Variants in ZNF432 observed in about 807,000 individuals in gnomAD.
ZNF432 encodes zinc finger protein 432.
Under a neutral mutation model 13.9 loss-of-function variants are expected in ZNF432, and 10 were observed. The ratio of observed to expected loss-of-function variants is 0.72; its 90% CI spans 0.44 to 1.22. The LOEUF (loss-of-function observed/expected upper bound fraction) is 1.22. Ranked by LOEUF, ZNF432 falls within the 50% of genes most tolerant of loss-of-function variation. ZNF432 has a pLI of 0.00. For missense variants in ZNF432, 793 were observed against 796.2 expected, an observed-to-expected ratio of 1.00 and a Z score of 0.05; for synonymous variants, 247 against 256.2, an observed-to-expected ratio of 0.96 and a Z score of 0.34.
At chr19:52,048,182 C>CACACACACACAAAAAA (rs1482172095) in intron 1 of ZNF432, among the ~76,000 whole-genome samples, 1 of 146,214 alleles carries the variant, frequency 6.8e-6, no homozygotes, top group African/African-American at 2.6e-5. Flanking sequence ...CACACACACA[C>CACACACACACAAAAAA]AAAACCAGCC....
intron 2 of ZNF432, among the ~76,000 whole-genome samples, chr19:52,041,972 A>T (rs2087140842): frequency 6.6e-6 from 1 of 152,190 alleles, no homozygotes; most frequent in African/African-American, 2.4e-5. Flanking sequence ...TAAGACATAG[A>T]GAGACTTCAG....
chr19:52,044,636 A>AC (rs1266145086), intron 2 of ZNF432, among the ~76,000 whole-genome samples: 21 of 152,234 alleles, frequency 1.4e-4, no homozygotes, highest in Admixed American at 1.4e-3. Flanking sequence ...TTTCAACCTC[A>AC]CCTGTGATGA....
Position 52,046,971 on chromosome 19 carries a change from G to C in ZNF432, c.-103C>G. 2 of 1,199,790 alleles carry C rather than the reference G, an allele frequency of 1.7e-6. No individual in the cohort carries two copies. Among genetic ancestry groups the C allele is most frequent in the South Asian group, 1.4e-5 (1 of 70,542 alleles). 74.3% of individuals were successfully genotyped at this position (1,199,790 alleles called of 1,614,324 possible). Reference sequence around the variant, plus strand: ...TTAGAAACTTCAGTCACCAGTGAAGGGTGTCCACAGAAATCATATCTAGGT... The same window carrying C: ...TTAGAAACTTCAGTCACCAGTGAAGCGTGTCCACAGAAATCATATCTAGGT... On this transcript the variant is annotated 5_prime_UTR_variant, in exon 2 of 5. Transcript: ENST00000221315.
chr19:52,038,437 T>C (rs1053326718), intron 4 of ZNF432, among the ~76,000 whole-genome samples: 1 of 152,212 alleles, frequency 6.6e-6, no homozygotes, highest in Admixed American at 6.5e-5. Context: ...ATTACAGGCA[T>C]GTGCCACCAT....
chr19:52,046,080 A>G (rs2087179759), intron 2 of ZNF432, among the ~76,000 whole-genome samples: 1 of 152,104 alleles, frequency 6.6e-6, no homozygotes, highest in Non-Finnish European at 1.5e-5. Context: ...AAAAAATAAA[A>G]GCAATATAAG....
chr19:52,039,828 C>CAAAAAAAA (rs562794463), intron 4 of ZNF432, among the ~76,000 whole-genome samples: 1 of 52,380 alleles, frequency 1.9e-5, no homozygotes, highest in Non-Finnish European at 4.1e-5. Flanking sequence ...GACTCCATCT[C>CAAAAAAAA]AAAAAAAAAA....
At chr19:52,045,450 G>A (rs934207467) in intron 2 of ZNF432, among the ~76,000 whole-genome samples, 1 of 137,984 alleles carries the variant, frequency 7.2e-6, no homozygotes, top group Non-Finnish European at 1.5e-5. Flanking sequence ...TCCACCTCCC[G>A]GATTCAAGCG....
Position 52,035,419 on chromosome 19 carries a change from T to C in ZNF432, c.260A>G (p.His87Arg), listed in dbSNP as rs781266167. The change falls in exon 5 of 5, where the codon CAT becomes CGT. Residue 87 changes from histidine (H) to arginine (R), a missense_variant. His to Arg is a conservative substitution (Grantham distance 29). Coordinates refer to ENST00000221315, the MANE Select transcript of ZNF432 (RefSeq NM_014650.4). ...TTGATTTTCCAAGTGATCCTGCAGA[T>C]GATCATCAACTTCGTTGTTTTCTAG... is the stretch of plus-strand genomic sequence containing the variant. ...ICPENNEVDDHLQDHLENQRM... is the reference protein window; with the variant it reads ...ICPENNEVDDRLQDHLENQRM... 1.9e-6 allele frequency: 3 copies of C among 1,553,688 alleles called. No individual in the cohort carries two copies. Among genetic ancestry groups the C allele is most frequent in the Non-Finnish European group, 2.6e-6 (3 of 1,156,078 alleles).
rs1394676275 is a variant in ZNF432, at chr19:52,034,959, T to G, written c.720A>C (p.Lys240Asn). Residue 240 changes from lysine to asparagine, a missense_variant, in exon 5 of 5, where the codon AAA becomes AAC. Physicochemically the swap from Lys to Asn is moderately conservative, Grantham distance 94. Coordinates refer to ENST00000221315, the MANE Select transcript of ZNF432 (RefSeq NM_014650.4). The stretch of plus-strand genomic sequence containing the variant: ...TTAGCCTGGACTTTCTGGAGAACAC[T>G]TTTGCACACAAAGTACATCCATAAG... ...EKPYGCTLCA[K>N]VFSRKSRLNE... The G allele has an allele frequency of 6.2e-7, 1 of 1,612,834 alleles. No individual in the cohort carries two copies. The highest frequency in any genetic ancestry group is 1.3e-5 in the African/African-American group (1 of 74,828).
chr19:52,043,508 C>T (rs1239199150), intron 2 of ZNF432, among the ~76,000 whole-genome samples: 1 of 151,752 alleles, frequency 6.6e-6, no homozygotes, highest in Non-Finnish European at 1.5e-5. Flanking sequence ...AATATGGCCT[C>T]GTGGGAAGGG....
At chr19:52,045,615 A>G (rs2087174138) in intron 2 of ZNF432, among the ~76,000 whole-genome samples, 1 of 151,212 alleles carries the variant, frequency 6.6e-6, no homozygotes, top group African/African-American at 2.4e-5. Context: ...TTGGCCTCCA[A>G]AAGTGCTGGG....
chr19:52,041,407 A>G, intron 3 of ZNF432, 73 bp downstream of exon 3: 1 of 1,506,538 alleles, frequency 6.6e-7, no homozygotes, highest in Non-Finnish European at 8.9e-7. Flanking sequence ...AGTAACTTCC[A>G]AGGGTAAGCA....
rs760234220 is a variant in ZNF432, at chr19:52,034,795, C to G, written c.884G>C (p.Gly295Ala). ...GEKPYICNEC[G>A]KGFPGKRNLI... ...ATTACGCTTGCCTGGGAAGCCTTTT[C>G]CACATTCATTGCATATGTAGGGTTT... is the stretch of plus-strand genomic sequence containing the variant. Residue 295 changes from glycine (G) to alanine (A), a missense_variant, in exon 5 of 5, where the codon GGA (glycine) becomes GCA (alanine). Physicochemically the swap from Gly to Ala is moderately conservative, Grantham distance 60. Coordinates refer to ENST00000221315, the MANE Select transcript of ZNF432 (RefSeq NM_014650.4). 1 of 1,612,334 alleles carries G rather than the reference C, an allele frequency of 6.2e-7. No individual in the cohort carries two copies. Among genetic ancestry groups the G allele is most frequent in the East Asian group, 2.2e-5 (1 of 44,848 alleles).
At chr19:52,046,738 A>G (rs768161864) in intron 2 of ZNF432, 116 bp downstream of exon 2, 37 of 1,033,308 alleles carry the variant, frequency 3.6e-5, no homozygotes, top group Non-Finnish European at 4.8e-5. Context: ...TTACTTTGCC[A>G]TGATGTTGGA....
chr19:52,040,464 C>G, intron 4 of ZNF432, 24 bp downstream of exon 4: 1 of 1,595,018 alleles, frequency 6.3e-7, no homozygotes, highest in Non-Finnish European at 8.6e-7. Context: ...ATATTACTTA[C>G]GCATCTTGCT....
intron 3 of ZNF432, 44 bp from the exon 4 acceptor site, chr19:52,040,627 TG>T: frequency 6.6e-7 from 1 of 1,521,312 alleles, no homozygotes; most frequent in Non-Finnish European, 9.1e-7. Flanking sequence ...TGGATTGGGC[TG>T]GGGTATGTAA....
In ZNF432 at chr19:52,034,123, C is replaced by G. The variant is rs754867719; in HGVS notation, c.1556G>C (p.Gly519Ala). 1.9e-6 allele frequency: 3 copies of G among 1,614,102 alleles called. No homozygotes were observed. The highest frequency in any genetic ancestry group is 2.5e-6 in the Non-Finnish European group (3 of 1,179,974). ...GEKPYICNECGKGFAFKSNLV... is the reference protein window; with the variant it reads ...GEKPYICNECAKGFAFKSNLV... ...ATTGCTCTTAAAGGCAAAACCTTTT[C>G]CACATTCATTGCATATGTACGGTTT... The change falls in exon 5 of 5, where the codon GGA becomes GCA. Residue 519 changes from glycine to alanine, a missense_variant. Physicochemically the swap from Gly to Ala is moderately conservative, Grantham distance 60. Coordinates refer to ENST00000221315, the MANE Select transcript of ZNF432 (RefSeq NM_014650.4).
At chr19:52,047,153 C>T in intron 1 of ZNF432, 93 bp from the exon 2 acceptor site, 3 of 408,426 alleles carry the variant, frequency 7.3e-6, no homozygotes, top group Non-Finnish European at 1.3e-5. Context: ...ACCAAGGAAA[C>T]ACAAGACCCT....
Position 52,048,799 on chromosome 19 carries a change from C to G in ZNF432, c.-297G>C, listed in dbSNP as rs796820653. On this transcript the variant is annotated 5_prime_UTR_variant, in exon 1 of 5. Coordinates refer to ENST00000221315, the MANE Select transcript of ZNF432 (RefSeq NM_014650.4). ...CCCAACTCCCTCCCCCTCTAAACCT[C>G]CAGAGACGGTCAGCCGCGTTTCCAT... 6 of 152,584 alleles carry G rather than the reference C, an allele frequency of 3.9e-5. No homozygotes were observed. The highest frequency in any genetic ancestry group is 1.4e-4 in the African/African-American group (6 of 41,588). The allele number at this position is 152,584 out of a possible 1,614,324, so 9.5% of individuals were successfully genotyped here.
Sources: gnomAD v4.1 joint callset for allele counts (sites outside exome capture counted in the v4.1 genomes callset) on GRCh38, gnomAD v4.1.1 for gene constraint, MANE v1.5 for transcripts, NCBI Gene and HGNC (gene_info 2026-07-23, HGNC 2026-07-21) for gene names.